Variants in SCN1A observed in about 807,000 individuals in gnomAD.
SCN1A encodes the protein sodium channel protein type 1 subunit alpha.
In SCN1A, 13 loss-of-function variants were observed where a neutral mutation model predicts 193.7. The ratio of observed to expected loss-of-function variants is 0.07; its 90% CI spans 0.04 to 0.11. The LOEUF is 0.11. SCN1A is among the 10% of genes least tolerant of loss of function. The pLI is 1.00. For missense variants in SCN1A, 1,432 were observed against 2,451.1 expected (o/e 0.58, Z 8.78); for synonymous variants, 781 against 843.6 (o/e 0.93, Z 1.29).
At position 165,992,737 on chromosome 2, in the gene SCN1A, C is replaced by A. The variant is rs975697303; in HGVS notation, c.4853-315G>T. The A allele has an allele frequency of 6.1e-6, 1 of 162,858 alleles. No homozygotes were observed. Among genetic ancestry groups the A allele is most frequent in the African/African-American group, 2.4e-5 (1 of 41,496 alleles). 10.1% of individuals were successfully genotyped at this position (162,858 alleles called of 1,614,324 possible). A position where few individuals can be genotyped will look rare whatever the true frequency, so the allele number is the denominator to read the frequency against. On this transcript the variant is annotated intron_variant, in intron 28 of 28. Transcript: ENST00000674923. This position sits in a 1 kb window ranked among gnomAD's most constrained non-coding sequence, Gnocchi z 6.5. ...AATAAGTTAAAAATGCACATTTGGCCGAACAGTAGCAGCCCAACAGTATAG... is the reference window on the plus strand; with the variant it reads ...AATAAGTTAAAAATGCACATTTGGCAGAACAGTAGCAGCCCAACAGTATAG...
At chr2:166,013,626 G>T in intron 21 of SCN1A, 118 bp downstream of exon 21, 1 of 845,910 alleles carries the variant, frequency 1.2e-6, no homozygotes, top group Non-Finnish European at 2.0e-6. Flanking sequence ...GAAGATACAA[G>T]GTGGGATAAT....
chr2:166,055,253 G>A (rs1195910991), intron 6 of SCN1A, among the ~76,000 whole-genome samples: 3 of 150,784 alleles, frequency 2.0e-5, no homozygotes, highest in Non-Finnish European at 3.0e-5. Flanking sequence ...TAAAATCAAA[G>A]TAAATACTTC....
chr2:166,101,781 A>G (rs1485265471), intron 2 of SCN1A, among the ~76,000 whole-genome samples: 2 of 152,218 alleles, frequency 1.3e-5, no homozygotes, highest in African/African-American at 2.4e-5. Flanking sequence ...ACCCTAGAAG[A>G]AAACTAAGAA....
At chr2:166,049,058 A>G in intron 9 of SCN1A, 109 bp from the exon 10 acceptor site, 1 of 725,428 alleles carries the variant, frequency 1.4e-6, no homozygotes. Context: ...AATTTTAAAT[A>G]TATTATTCAT....
chr2:166,032,942 G>A (rs1377245424), intron 19 of SCN1A, among the ~76,000 whole-genome samples: 1 of 152,152 alleles, frequency 6.6e-6, no homozygotes, highest in East Asian at 1.9e-4. Context: ...TCTAATCAGA[G>A]AAAGTATTTA....
At chr2:166,041,208 C>T (rs370968375) in intron 16 of SCN1A, 23 bp downstream of exon 16, 1 of 1,509,962 alleles carries the variant, frequency 6.6e-7, no homozygotes, top group African/African-American at 1.4e-5. Flanking sequence ...AGACTAAACA[C>T]ATTTACCTTC....
chr2:166,091,558 T>C (rs1026718819), intron 2 of SCN1A, among the ~76,000 whole-genome samples: 7 of 152,258 alleles, frequency 4.6e-5, no homozygotes, highest in African/African-American at 1.4e-4. Context: ...GTAAAGGACA[T>C]GAACCAAGCT....
intron 24 of SCN1A, among the ~76,000 whole-genome samples, chr2:166,001,806 G>T (rs1209975326): frequency 6.6e-6 from 1 of 150,430 alleles, no homozygotes; most frequent in Non-Finnish European, 1.5e-5. Flanking sequence ...GTGCTGAAAG[G>T]TCATTTGAGA....
At chr2:166,045,448 A>C in intron 12 of SCN1A, 121 bp from the exon 13 acceptor site, 1 of 1,144,610 alleles carries the variant, frequency 8.7e-7, no homozygotes. Flanking sequence ...ATCATCTCAC[A>C]GAGAAGATTC....
chr2:166,011,615 G>A lies in SCN1A; in HGVS notation c.3879+494C>T, dbSNP rs1692467518. Among the ~76,000 whole-genome samples, 3 of 151,092 alleles carry A rather than the reference G, an allele frequency of 2.0e-5. No homozygotes were observed. In the Admixed American group the frequency reaches 2.0e-4, roughly 10 times the overall value. ...ATCTACTCTTTAAAAAGTTTGAGTA[G>A]ATCAAATAGAATTTTTTTAAATGAC... is the stretch of plus-strand genomic sequence containing the variant. On this transcript the variant is annotated intron_variant, in intron 22 of 28. Coordinates refer to ENST00000674923, the MANE Select transcript of SCN1A (RefSeq NM_001165963.4).
chr2:166,070,241 CAT>C (rs1684273351), intron 4 of SCN1A, among the ~76,000 whole-genome samples: 1 of 152,056 alleles, frequency 6.6e-6, no homozygotes, highest in African/African-American at 2.4e-5. Context: ...CTAAGCACAC[CAT>C]GTTAGTTTTT....
At chr2:166,130,603 T>C (rs1691618762), upstream of SCN1A, among the ~76,000 whole-genome samples, 1 of 152,218 alleles carries the variant, frequency 6.6e-6, no homozygotes, top group Non-Finnish European at 1.5e-5. Context: ...CTTTTGTTAA[T>C]TATAGAACAA....
intron 4 of SCN1A, among the ~76,000 whole-genome samples, chr2:166,063,052 C>A (rs112303644): frequency 6.6e-6 from 1 of 152,070 alleles, no homozygotes; most frequent in African/African-American, 2.4e-5. Flanking sequence ...CACTTACAAG[C>A]AGCAAGACTT....
At position 166,036,033 on chromosome 2, in the gene SCN1A, C is replaced by G; in HGVS notation, c.3429+15G>C. The G allele has an allele frequency of 2.5e-6, 4 of 1,612,574 alleles. No homozygotes were observed. The highest frequency in any genetic ancestry group is 3.4e-6 in the Non-Finnish European group (4 of 1,179,326). On this transcript the variant is annotated intron_variant, in intron 19 of 28. Coordinates refer to ENST00000674923, the MANE Select transcript of SCN1A (RefSeq NM_001165963.4). Reference sequence around the variant, plus strand: ...GTATATGTATTCATACCTTCCCACACCTATAGAATCTTACCTCTTTGCTTT... The same window carrying G: ...GTATATGTATTCATACCTTCCCACAGCTATAGAATCTTACCTCTTTGCTTT...
chr2:166,037,654 T>TG, intron 18 of SCN1A, 122 bp downstream of exon 18: 2 of 791,746 alleles, frequency 2.5e-6, no homozygotes, highest in Non-Finnish European at 4.1e-6. Context: ...TAAATTATAC[T>TG]CTTTTTTTTT....
At chr2:166,138,110 G>C (rs1691936292) in intron 1 of SCN1A, among the ~76,000 whole-genome samples, 1 of 152,168 alleles carries the variant, frequency 6.6e-6, no homozygotes, top group Non-Finnish European at 1.5e-5. Context: ...AGCATTCAAG[G>C]GGTGACTTGG....
At chr2:166,107,543 T>G (rs1240542258) in intron 2 of SCN1A, among the ~76,000 whole-genome samples, 1 of 152,124 alleles carries the variant, frequency 6.6e-6, no homozygotes, top group African/African-American at 2.4e-5. Context: ...CTGGAAAGTA[T>G]GAATTTTATA....
intron 5 of SCN1A, among the ~76,000 whole-genome samples, chr2:166,057,442 A>G (rs1273309978): frequency 6.6e-6 from 1 of 152,036 alleles, no homozygotes; most frequent in Non-Finnish European, 1.5e-5. Context: ...GGAATCAGAT[A>G]AAGGGTCCAG....
chr2:166,142,111 G>A (rs1692111737), intron 1 of SCN1A, among the ~76,000 whole-genome samples: 1 of 152,218 alleles, frequency 6.6e-6, no homozygotes, highest in Non-Finnish European at 1.5e-5. Context: ...TAGGATATAT[G>A]TAAAGTTGGG....
Sources: gnomAD v4.1 joint callset for allele counts (sites outside exome capture counted in the v4.1 genomes callset) on GRCh38, gnomAD v4.1.1 for gene constraint, Gnocchi (gnomAD v3.1) non-coding constraint, MANE v1.5 for transcripts, NCBI Gene and HGNC (gene_info 2026-07-23, HGNC 2026-07-21) for gene names.